The following OSMR variants were observed in gnomAD, a reference collection of about 807,000 sequenced individuals.
The protein encoded by OSMR is oncostatin M receptor, also known as oncostatin-M-specific receptor subunit beta.
A neutral mutation model predicts 99.9 loss-of-function variants in OSMR; 81 were observed. The ratio of observed to expected loss-of-function variants is 0.81; its 90% CI spans 0.68 to 0.97. The LOEUF is 0.97. Among genes scored for constraint, OSMR ranks in the 50% least tolerant of loss-of-function variants. The pLI is 0.00. For synonymous variants in OSMR, 406 were observed against 410.4 expected (o/e 0.99, Z 0.13); for missense variants, 1,099 against 1,153.4 (o/e 0.95, Z 0.68).
intron 1 of OSMR, among the ~76,000 whole-genome samples, chr5:38,855,997 T>A (rs1740808338): frequency 6.6e-6 from 1 of 152,118 alleles, no homozygotes; most frequent in African/African-American, 2.4e-5. Context: ...TCCTCCTCGT[T>A]CCCTAAATCC....
intron 9 of OSMR, among the ~76,000 whole-genome samples, chr5:38,912,819 A>G (rs1745669737): frequency 6.6e-6 from 1 of 152,168 alleles, no homozygotes; most frequent in Non-Finnish European, 1.5e-5. Flanking sequence ...AAAATAAGCA[A>G]TGGGGAAAGG....
At chr5:38,896,536 T>G (rs899079380) in intron 7 of OSMR, among the ~76,000 whole-genome samples, 1 of 152,106 alleles carries the variant, frequency 6.6e-6, no homozygotes, top group Non-Finnish European at 1.5e-5. Context: ...TCAGTTCTAA[T>G]AGTTTCTTGG....
intron 1 of OSMR, chr5:38,943,217 T>G (rs1747795072): frequency 2.7e-6 from 1 of 370,184 alleles, no homozygotes; most frequent in Non-Finnish European, 4.9e-6. Context: ...ATTGAAGCAT[T>G]CTTTTTTATT....
intron 3 of OSMR, among the ~76,000 whole-genome samples, chr5:38,879,188 C>T (rs34108709): frequency 2.0e-5 from 3 of 152,356 alleles, no homozygotes; most frequent in Non-Finnish European, 2.9e-5. Context: ...AAAGAGTGCT[C>T]TGAGCAGGCC....
chr5:38,858,556 G>A (rs920506250), intron 1 of OSMR, among the ~76,000 whole-genome samples: 1 of 152,142 alleles, frequency 6.6e-6, no homozygotes, highest in Non-Finnish European at 1.5e-5. Context: ...ATTGTGAATA[G>A]CGCTGCAACA....
intron 2 of OSMR, chr5:38,944,907 A>C (rs1201682718): frequency 1.2e-6 from 2 of 1,612,406 alleles, no homozygotes; most frequent in South Asian, 2.2e-5. Context: ...GAATCTGAAG[A>C]CTCACCTAGT....
chr5:38,932,444 T>C lies in OSMR; in HGVS notation c.2295-19T>C. 1 of 1,600,986 alleles carries C rather than the reference T, an allele frequency of 6.2e-7. No individual in the cohort carries two copies. The highest frequency in any genetic ancestry group is 8.6e-7 in the Non-Finnish European group (1 of 1,168,110). ...CACTGTACTGTGAAATTCAGTCTCA[T>C]TTTCGCTTTTTTTTCTAGGATCAAG... On this transcript the variant is annotated intron_variant, in intron 16 of 17. Coordinates refer to ENST00000274276, the MANE Select transcript of OSMR (RefSeq NM_003999.3).
At chr5:38,849,802 T>C (rs1440030819) in intron 1 of OSMR, among the ~76,000 whole-genome samples, 2 of 152,228 alleles carry the variant, frequency 1.3e-5, no homozygotes, top group Non-Finnish European at 2.9e-5. Context: ...TCAGTTTGGA[T>C]AAATTACTTG....
At chr5:38,912,220 C>T (rs1269464167) in intron 9 of OSMR, among the ~76,000 whole-genome samples, 5 of 152,112 alleles carry the variant, frequency 3.3e-5, no homozygotes, top group Non-Finnish European at 7.4e-5. Flanking sequence ...AGAAAAAAGT[C>T]AGCAAAGTTT....
chr5:38,882,659 G>T (rs941836713), intron 4 of OSMR, among the ~76,000 whole-genome samples: 1 of 152,118 alleles, frequency 6.6e-6, no homozygotes, highest in Non-Finnish European at 1.5e-5. Context: ...GGGAAGGGGG[G>T]TGGAATATGG....
chr5:38,931,775 G>T, intron 15 of OSMR, 108 bp from the exon 16 acceptor site: 1 of 1,533,852 alleles, frequency 6.5e-7, no homozygotes. Context: ...TACATAATTT[G>T]AGAAATAATA....
chr5:38,885,023 T>C (rs980153239), intron 5 of OSMR, among the ~76,000 whole-genome samples: 7 of 152,192 alleles, frequency 4.6e-5, no homozygotes, highest in Non-Finnish European at 8.8e-5. Flanking sequence ...AAGCATTCTG[T>C]GAGCCACAGC....
At chr5:38,901,825 T>C (rs1287326561) in intron 7 of OSMR, among the ~76,000 whole-genome samples, 2 of 152,158 alleles carry the variant, frequency 1.3e-5, no homozygotes, top group African/African-American at 2.4e-5. Context: ...CATTTAAAAT[T>C]GGTGGGTTTG....
At chr5:38,897,608 T>A (rs1744603911) in intron 7 of OSMR, among the ~76,000 whole-genome samples, 2 of 151,986 alleles carry the variant, frequency 1.3e-5, no homozygotes, top group African/African-American at 4.8e-5. Flanking sequence ...TCTTTTGTAT[T>A]GCTTTCTTCA....
At chr5:38,882,627 C>T (rs977109845) in intron 4 of OSMR, among the ~76,000 whole-genome samples, 14 of 150,350 alleles carry the variant, frequency 9.3e-5, no homozygotes, top group Admixed American at 6.0e-4. Context: ...GTAGCTCCCC[C>T]GAATCTAGAC....
At chr5:38,847,711 T>A (rs889278707) in intron 1 of OSMR, among the ~76,000 whole-genome samples, 1 of 152,194 alleles carries the variant, frequency 6.6e-6, no homozygotes, top group Non-Finnish European at 1.5e-5. Flanking sequence ...GTGCCTCCAG[T>A]GGCAGGAAGC....
chr5:38,897,823 TATC>T (rs1223296599), intron 7 of OSMR, among the ~76,000 whole-genome samples: 1 of 152,146 alleles, frequency 6.6e-6, no homozygotes, highest in African/African-American at 2.4e-5. Context: ...GTGTTTCTCT[TATC>T]ATTTGTTTCA....
intron 12 of OSMR, 61 bp downstream of exon 12, chr5:38,921,855 G>A (rs1746252148): frequency 3.9e-5 from 55 of 1,411,694 alleles, no homozygotes; most frequent in Non-Finnish European, 4.8e-5. Flanking sequence ...GTTCAAGTGG[G>A]ATTTCTGGAC....
At chr5:38,917,401 T>C (rs1312631305) in intron 9 of OSMR, 145 bp from the exon 10 acceptor site, 1 of 1,459,558 alleles carries the variant, frequency 6.9e-7, no homozygotes, top group Non-Finnish European at 9.1e-7. Context: ...GACCAGTGGG[T>C]AGAAGTCATA....
Sources: gnomAD v4.1 joint callset for allele counts (sites outside exome capture counted in the v4.1 genomes callset) on GRCh38, gnomAD v4.1.1 for gene constraint, MANE v1.5 for transcripts, NCBI Gene and HGNC (gene_info 2026-07-23, HGNC 2026-07-21) for gene names.